Variants in DAB1 observed in about 807,000 individuals in gnomAD.
DAB1 encodes the protein disabled homolog 1.
DAB1 carries 15 observed loss-of-function variants against 64.6 expected under a neutral mutation model. That is an observed-to-expected ratio of 0.23 (90% CI 0.16 to 0.36). DAB1 has a LOEUF of 0.36. DAB1 is among the 10% of genes least tolerant of loss of function. The pLI is 1.00. For synonymous variants in DAB1, 235 were observed against 251.9 expected (o/e 0.93, Z 0.64); for missense variants, 596 against 706.7 (o/e 0.84, Z 1.78).
chr1:58,048,303 C>T (rs1168843557), intron 5 of DAB1: 3 of 1,224,480 alleles, frequency 2.5e-6, no homozygotes, highest in African/African-American at 3.0e-5. Context: ...CCAAAATCTC[C>T]CCCCTTCATG....
intron 4 of DAB1, among the ~76,000 whole-genome samples, chr1:58,251,412 T>C (rs1178781102): frequency 6.6e-6 from 1 of 152,158 alleles, no homozygotes; most frequent in Non-Finnish European, 1.5e-5. Context: ...ATAATCGCTA[T>C]TGACCAAAAT....
chr1:58,137,560 C>A (rs571614180), intron 5 of DAB1, among the ~76,000 whole-genome samples: 7 of 152,200 alleles, frequency 4.6e-5, no homozygotes, highest in African/African-American at 1.7e-4. Context: ...CATCCATCCA[C>A]CTCTATCACC....
At chr1:57,223,734 AG>A (rs1440855284) in intron 2 of DAB1, among the ~76,000 whole-genome samples, 2 of 152,132 alleles carry the variant, frequency 1.3e-5, no homozygotes, top group Non-Finnish European at 2.9e-5. Context: ...CAGCCAACAT[AG>A]GAACCCTTCA....
chr1:58,039,460 C>T (rs1205041970), intron 5 of DAB1, among the ~76,000 whole-genome samples: 2 of 152,228 alleles, frequency 1.3e-5, no homozygotes, highest in African/African-American at 4.8e-5. Flanking sequence ...AGGCATGGCA[C>T]TTTGTCTTGG....
chr1:57,129,149 A>C (rs1307981797), intron 4 of DAB1, among the ~76,000 whole-genome samples: 1 of 152,128 alleles, frequency 6.6e-6, no homozygotes, highest in Non-Finnish European at 1.5e-5. Flanking sequence ...ATCATCAAGA[A>C]AATTTCTGAG....
At chr1:57,489,003 A>G (rs1644128400) in intron 7 of DAB1, among the ~76,000 whole-genome samples, 1 of 152,226 alleles carries the variant, frequency 6.6e-6, no homozygotes, top group African/African-American at 2.4e-5. Flanking sequence ...ACAAGGGCAC[A>G]TCGATGGAAG....
chr1:58,125,373 A>C (rs904161118), intron 5 of DAB1, among the ~76,000 whole-genome samples: 5 of 152,020 alleles, frequency 3.3e-5, no homozygotes. Context: ...GAAATCTCTG[A>C]GTAGAGTACA....
intron 1 of DAB1, among the ~76,000 whole-genome samples, chr1:57,343,359 CA>C (rs1215750727): frequency 6.6e-6 from 1 of 152,178 alleles, no homozygotes; most frequent in Non-Finnish European, 1.5e-5. Flanking sequence ...TCCAAGTTCC[CA>C]CCAGACTCAG....
intron 4 of DAB1, among the ~76,000 whole-genome samples, chr1:58,169,318 C>T (rs1656035628): frequency 1.3e-5 from 2 of 152,138 alleles, no homozygotes. Context: ...CACAACTATT[C>T]CGATCAGCAG....
In DAB1 at chr1:58,307,460, A is replaced by G. The variant is rs146569872; in HGVS notation, n.309+35892T>C. On this transcript the variant is annotated intron_variant and non_coding_transcript_variant, in intron 4 of 20. Transcript: ENST00000485760. ...GGCATAGAGTTATACAGAAACAGAG[A>G]GGACTGATATCTAACTCAGGCTGGG... Among the ~76,000 whole-genome samples the G allele has an allele frequency of 6.4e-3, 980 of 152,330 alleles. 7 individuals are homozygous for G. Among genetic ancestry groups the G allele is most frequent in the Middle Eastern group, 0.054 (16 of 294 alleles).
At chr1:58,354,020 T>C (rs764310034) in intron 3 of DAB1, among the ~76,000 whole-genome samples, 7 of 152,162 alleles carry the variant, frequency 4.6e-5, no homozygotes, top group African/African-American at 1.7e-4. Flanking sequence ...GGCATTCATT[T>C]TCACTAATTG....
At chr1:58,071,835 A>G (rs560210576) in intron 5 of DAB1, among the ~76,000 whole-genome samples, 4 of 152,274 alleles carry the variant, frequency 2.6e-5, no homozygotes, top group African/African-American at 9.6e-5. Flanking sequence ...TTGATTAATT[A>G]ACTTGTGAAT....
At chr1:58,470,823 T>C (rs763932428) in intron 3 of DAB1, among the ~76,000 whole-genome samples, 6 of 152,256 alleles carry the variant, frequency 3.9e-5, no homozygotes, top group Non-Finnish European at 8.8e-5. Flanking sequence ...GAGAGCTCCC[T>C]ACTCGGCTGC....
intron 3 of DAB1, among the ~76,000 whole-genome samples, chr1:58,491,245 A>G (rs1172603375): frequency 6.6e-6 from 1 of 152,212 alleles, no homozygotes; most frequent in African/African-American, 2.4e-5. Flanking sequence ...GGCCTGCCCT[A>G]CAAGAGCTCC....
chr1:58,525,241 A>G (rs952841867), intron 2 of DAB1, among the ~76,000 whole-genome samples: 6 of 152,116 alleles, frequency 3.9e-5, no homozygotes, highest in Non-Finnish European at 7.4e-5. Context: ...TCTAAGCTAC[A>G]TGGTTCACCT....
At chr1:57,060,060 G>A (rs866771659) in intron 9 of DAB1, among the ~76,000 whole-genome samples, 1 of 151,890 alleles carries the variant, frequency 6.6e-6, no homozygotes, top group South Asian at 2.1e-4. Flanking sequence ...CAGAAATATG[G>A]GGACTTTCTT....
chr1:58,035,497 A>T (rs766598677), intron 5 of DAB1, among the ~76,000 whole-genome samples: 31 of 152,376 alleles, frequency 2.0e-4, no homozygotes, highest in Non-Finnish European at 4.3e-4. Flanking sequence ...ACATGGAATG[A>T]ATATTACCAC....
chr1:58,056,006 A>G (rs1648045388), intron 5 of DAB1: 2 of 709,626 alleles, frequency 2.8e-6, no homozygotes, highest in Admixed American at 4.6e-5. Flanking sequence ...ACACAGTGCT[A>G]AAATTCCAGG....
At chr1:58,220,923 A>G (rs1659132422) in intron 4 of DAB1, among the ~76,000 whole-genome samples, 2 of 151,712 alleles carry the variant, frequency 1.3e-5, no homozygotes, top group South Asian at 4.2e-4. Context: ...TACATTTTGC[A>G]AACAGTGCAG....
Sources: allele counts gnomAD v4.1 joint callset (sites outside exome capture counted in the v4.1 genomes callset), GRCh38; gene constraint gnomAD v4.1.1; transcripts MANE v1.5; gene names NCBI Gene and HGNC (gene_info 2026-07-23, HGNC 2026-07-21).